ERG: variants seen among roughly 807,000 people sequenced by gnomAD.
The protein encoded by ERG is transcriptional regulator ERG.
A neutral mutation model predicts 55.3 loss-of-function variants in ERG; 9 were observed. That is an observed-to-expected ratio of 0.16 (90% confidence interval 0.10 to 0.28). ERG has a LOEUF of 0.28. ERG is among the 10% of genes least tolerant of loss of function. The pLI is 1.00. For missense variants in ERG, 434 were observed against 631.6 expected (o/e 0.69, Z 3.35); for synonymous variants, 223 against 237.3 (o/e 0.94, Z 0.55).
chr21:38,536,066 A>G (rs1674113277), intron 2 of ERG, among the ~76,000 whole-genome samples: 1 of 152,150 alleles, frequency 6.6e-6, no homozygotes, highest in Admixed American at 6.5e-5. Context: ...GCCATGGACC[A>G]TGAGCAATTA....
intron 2 of ERG, among the ~76,000 whole-genome samples, chr21:38,568,198 A>AGTATCTCCCCTTCCACTGCTATATCCT (rs2059935065): frequency 6.6e-6 from 1 of 152,112 alleles, no homozygotes. Flanking sequence ...TGCTATATGC[A>AGTATCTCCCCTTCCACTGCTATATCCT]CCAGTATGCT....
chr21:38,617,057 C>T (rs988107846), intron 1 of ERG, among the ~76,000 whole-genome samples: 1 of 152,304 alleles, frequency 6.6e-6, no homozygotes, highest in Non-Finnish European at 1.5e-5. Context: ...TAGGGAGTTA[C>T]ATCATATGCT....
chr21:38,430,615 A>G (rs1990158684), intron 2 of ERG, among the ~76,000 whole-genome samples: 1 of 152,242 alleles, frequency 6.6e-6, no homozygotes, highest in Non-Finnish European at 1.5e-5. Context: ...TGCTCACAGC[A>G]GCAGAAATTC....
At chr21:38,578,709 C>T (rs1440036355) in intron 1 of ERG, among the ~76,000 whole-genome samples, 1 of 152,148 alleles carries the variant, frequency 6.6e-6, no homozygotes, top group Non-Finnish European at 1.5e-5. Context: ...AAACCCCAGA[C>T]ATGGGAGGGA....
chr21:38,613,174 A>G (rs779568102), intron 1 of ERG, among the ~76,000 whole-genome samples: 1 of 152,260 alleles, frequency 6.6e-6, no homozygotes, highest in Non-Finnish European at 1.5e-5. Context: ...AACGGACATC[A>G]TAAACTTAGT....
intron 1 of ERG, among the ~76,000 whole-genome samples, chr21:38,631,359 T>A (rs895529887): frequency 6.6e-6 from 1 of 151,948 alleles, no homozygotes; most frequent in Non-Finnish European, 1.5e-5. Flanking sequence ...GAAAATTTGG[T>A]TGAAAAAAAA....
At chr21:38,522,651 A>G (rs2059603269) in intron 2 of ERG, among the ~76,000 whole-genome samples, 1 of 152,238 alleles carries the variant, frequency 6.6e-6, no homozygotes. Context: ...TCAAGCAAAT[A>G]TATTTCTGCT....
At chr21:38,542,977 G>A (rs1436799335) in intron 2 of ERG, among the ~76,000 whole-genome samples, 2 of 152,080 alleles carry the variant, frequency 1.3e-5, no homozygotes, top group African/African-American at 4.8e-5. Context: ...AGGCCATTGT[G>A]TTTCTATTTG....
At chr21:38,480,967 T>C (rs921523368) in intron 1 of ERG, among the ~76,000 whole-genome samples, 1 of 152,212 alleles carries the variant, frequency 6.6e-6, no homozygotes, top group Admixed American at 6.5e-5. Flanking sequence ...CTAACATTTG[T>C]GGGCAAATTA....
intron 1 of ERG, among the ~76,000 whole-genome samples, chr21:38,448,708 A>G (rs952510467): frequency 6.6e-6 from 1 of 152,204 alleles, no homozygotes; most frequent in Non-Finnish European, 1.5e-5. Flanking sequence ...CAGCCCTGCC[A>G]CATCTTTGTC....
At chr21:38,493,981 C>CG (rs764460285) in intron 1 of ERG, among the ~76,000 whole-genome samples, 16 of 152,136 alleles carry the variant, frequency 1.1e-4, no homozygotes, top group African/African-American at 1.4e-4. Context: ...GTTACATCCG[C>CG]GGGGGGGCGT....
intron 3 of ERG, among the ~76,000 whole-genome samples, chr21:38,404,871 A>G (rs1251513784): frequency 1.3e-5 from 2 of 152,184 alleles, no homozygotes; most frequent in Admixed American, 6.5e-5. Flanking sequence ...TAGGCTACTC[A>G]AGAATGGAGC....
intron 1 of ERG, among the ~76,000 whole-genome samples, chr21:38,609,888 G>A (rs2060216110): frequency 6.6e-6 from 1 of 152,230 alleles, no homozygotes; most frequent in Non-Finnish European, 1.5e-5. Flanking sequence ...ATACAACCAA[G>A]CATTAGCGTG....
At chr21:38,645,402 T>C (rs1308052989) in intron 1 of ERG, among the ~76,000 whole-genome samples, 1 of 152,178 alleles carries the variant, frequency 6.6e-6, no homozygotes, top group Non-Finnish European at 1.5e-5. Context: ...CATCTGACCC[T>C]GCTACCAAAT....
At chr21:38,461,048 A>G (rs763122022) in intron 1 of ERG, among the ~76,000 whole-genome samples, 2 of 152,152 alleles carry the variant, frequency 1.3e-5, no homozygotes, top group East Asian at 1.9e-4. Context: ...TTAAAACCCA[A>G]TTTCAATATT....
chr21:38,593,263 CA>C (rs2060112141), intron 1 of ERG, among the ~76,000 whole-genome samples: 1 of 152,202 alleles, frequency 6.6e-6, no homozygotes, highest in Admixed American at 6.5e-5. Flanking sequence ...AGGCGGATGA[CA>C]TCAAGAAAGT....
chr21:38,627,917 A>G (rs538031933), intron 1 of ERG, among the ~76,000 whole-genome samples: 1 of 151,830 alleles, frequency 6.6e-6, no homozygotes, highest in Non-Finnish European at 1.5e-5. Flanking sequence ...CTAACTCTGG[A>G]GAGAAATGAC....
chr21:38,590,167 A>T (rs2060091161), intron 1 of ERG, among the ~76,000 whole-genome samples: 1 of 152,208 alleles, frequency 6.6e-6, no homozygotes, highest in Admixed American at 6.5e-5. Context: ...TGGAGGTGGC[A>T]TGGAACCTCC....
At chr21:38,377,243 A>T (rs73213818), downstream of ERG, among the ~76,000 whole-genome samples, 1,561 of 152,348 alleles carry the variant, frequency 0.01, 15 homozygotes, top group Non-Finnish European at 0.016. Flanking sequence ...AAGTAGTAGC[A>T]ATTAGTATTA....
Sources: allele counts gnomAD v4.1 joint callset (sites outside exome capture counted in the v4.1 genomes callset), GRCh38; gene constraint gnomAD v4.1.1; transcripts MANE v1.5; gene names NCBI Gene and HGNC (gene_info 2026-07-23, HGNC 2026-07-21).